The following HS3ST3B1 variants were observed in gnomAD, a reference collection of about 807,000 sequenced individuals.
HS3ST3B1 encodes heparan sulfate-glucosamine 3-sulfotransferase 3B1.
In HS3ST3B1, 13 loss-of-function variants were observed where a neutral mutation model predicts 21.3. The observed-to-expected ratio is 0.61, with a 90% CI of 0.40 to 0.97. HS3ST3B1 has a LOEUF of 0.97. Among genes scored for constraint, HS3ST3B1 ranks in the 50% least tolerant of loss-of-function variants. The pLI, the probability that HS3ST3B1 is intolerant of heterozygous loss-of-function variation, is 0.00. For missense variants in HS3ST3B1, 459 were observed against 554.8 expected (o/e 0.83, Z 1.73); for synonymous variants, 234 against 254.8 (o/e 0.92, Z 0.78).
chr17:14,325,817 A>G (rs190980103), intron 1 of HS3ST3B1, among the ~76,000 whole-genome samples: 1 of 152,256 alleles, frequency 6.6e-6, no homozygotes, highest in Non-Finnish European at 1.5e-5. Context: ...GATGCCGCCA[A>G]CCTCCTACAT....
chr17:14,317,926 T>C (rs548183507), intron 1 of HS3ST3B1, among the ~76,000 whole-genome samples: 1 of 152,188 alleles, frequency 6.6e-6, no homozygotes, highest in African/African-American at 2.4e-5. Flanking sequence ...AGAAAACACA[T>C]AGATGGTTTT....
In HS3ST3B1 at chr17:14,345,544, T is replaced by C; in HGVS notation, c.1071T>C (p.His357=). The change falls in exon 2 of 2, where the codon CAT becomes CAC. Residue 357 remains histidine (H), a synonymous_variant. Transcript: ENST00000360954. ...HCLGKTKGRT[H]PEIDREVVRR... is the part of the protein sequence containing the mutation. Reference sequence around the variant, plus strand: ...TGGGCAAGACCAAGGGCAGGACCCATCCTGAGATCGACCGCGAGGTGGTGC... The same window carrying C: ...TGGGCAAGACCAAGGGCAGGACCCACCCTGAGATCGACCGCGAGGTGGTGC... The C allele has an allele frequency of 6.2e-7, 1 of 1,600,704 alleles. No homozygotes were observed. Among genetic ancestry groups the C allele is most frequent in the Non-Finnish European group, 8.5e-7 (1 of 1,173,410 alleles).
In HS3ST3B1 at chr17:14,345,524, A is replaced by C. The variant is rs780335973; in HGVS notation, c.1051A>C (p.Lys351Gln). The C allele has an allele frequency of 2.0e-5, 32 of 1,602,712 alleles. 1 individual carries two copies. The highest frequency in any genetic ancestry group is 1.7e-5 in the Admixed American group (1 of 59,146). ...EGSSRPHCLG[K>Q]TKGRTHPEID... ...CAGCAGCCGGCCCCATTGCCTGGGC[A>C]AGACCAAGGGCAGGACCCATCCTGA... Residue 351 changes from lysine (K) to glutamine (Q), a missense_variant, in exon 2 of 2, where the codon AAG becomes CAG. Physicochemically the swap from Lys to Gln is moderately conservative, Grantham distance 53 (BLOSUM62 1). This residue lies in a region of HS3ST3B1 where 127 missense variants were observed against 209.9 expected (regional missense o/e 0.60). Coordinates refer to ENST00000360954, the MANE Select transcript of HS3ST3B1 (RefSeq NM_006041.3).
intron 1 of HS3ST3B1, among the ~76,000 whole-genome samples, chr17:14,307,686 C>G (rs939803847): frequency 6.6e-6 from 1 of 152,094 alleles, no homozygotes; most frequent in Non-Finnish European, 1.5e-5. Context: ...GGCTGCTTGC[C>G]GACTGGTTTC....
Position 14,347,657 on chromosome 17 carries a change from G to A in HS3ST3B1, c.*2011G>A, listed in dbSNP as rs1417859845. The A allele has an allele frequency of 6.6e-6, 1 of 152,170 alleles. No individual in the cohort carries two copies. Among genetic ancestry groups the A allele is most frequent in the African/African-American group, 2.4e-5 (1 of 41,424 alleles). The allele number at this position is 152,170 out of a possible 1,614,324, so 9.4% of individuals were successfully genotyped here. On this transcript the variant is annotated 3_prime_UTR_variant, in exon 2 of 2. Transcript: ENST00000360954. ...GTCACTGGTCTTTAAGTGATGTCTTGAAAATCCAGTATGTATTTGCCCAAA... is the reference window on the plus strand; with the variant it reads ...GTCACTGGTCTTTAAGTGATGTCTTAAAAATCCAGTATGTATTTGCCCAAA...
chr17:14,341,661 AG>A (rs1368957022), intron 1 of HS3ST3B1, among the ~76,000 whole-genome samples: 3 of 152,158 alleles, frequency 2.0e-5, no homozygotes, highest in African/African-American at 7.2e-5. Flanking sequence ...TTCCAAGCCC[AG>A]GCTAAGTCAG....
In HS3ST3B1 at chr17:14,302,019, C is replaced by A. The variant is rs1258071898; in HGVS notation, c.501C>A (p.Gly167=). The change falls in exon 1 of 2, where the codon GGC becomes GGA. Residue 167 remains glycine, a synonymous_variant. Transcript: ENST00000360954. ...TGCACCCCGACGTGCGCGCCGTGGG[C>A]GCCGAGCCCCATTTCTTCGATCGCA... ...LRVHPDVRAV[G]AEPHFFDRSY... 6 of 1,608,416 alleles carry A rather than the reference C, an allele frequency of 3.7e-6. No homozygotes were observed. Among genetic ancestry groups the A allele is most frequent in the East Asian group, 2.2e-5 (1 of 44,802 alleles).
Position 14,302,038 on chromosome 17 carries a change from G to T in HS3ST3B1, c.520G>T (p.Asp174Tyr), listed in dbSNP as rs774335631. 1.2e-6 allele frequency: 2 copies of T among 1,607,120 alleles called. No individual in the cohort carries two copies. Among genetic ancestry groups the T allele is most frequent in the Non-Finnish European group, 1.7e-6 (2 of 1,179,270 alleles). The change falls in exon 1 of 2, where the codon GAT (aspartate) becomes TAT (tyrosine). Residue 174 changes from aspartate (D) to tyrosine (Y), a missense_variant. This residue lies in a region of HS3ST3B1 where 317 missense variants were observed against 278.6 expected (regional missense o/e 1.14). Transcript: ENST00000360954. ...RAVGAEPHFF[D>Y]RSYDKGLAWY... Reference sequence around the variant, plus strand: ...CGTGGGCGCCGAGCCCCATTTCTTCGATCGCAGCTACGACAAGGGCCTCGC... The same window carrying T: ...CGTGGGCGCCGAGCCCCATTTCTTCTATCGCAGCTACGACAAGGGCCTCGC...
intron 1 of HS3ST3B1, among the ~76,000 whole-genome samples, chr17:14,313,075 T>C (rs892249328): frequency 8.3e-6 from 1 of 120,652 alleles, no homozygotes; most frequent in Non-Finnish European, 1.8e-5. Context: ...CCCAGCTAAT[T>C]ATTGTGTGTG....
intron 1 of HS3ST3B1, chr17:14,327,943 G>C (rs1909866378): frequency 6.6e-6 from 1 of 152,056 alleles, no homozygotes; most frequent in East Asian, 1.9e-4. Context: ...ATAGTCACAG[G>C]GTCAGTTTTT....
At chr17:14,316,417 A>C (rs1047983897) in intron 1 of HS3ST3B1, among the ~76,000 whole-genome samples, 2 of 152,176 alleles carry the variant, frequency 1.3e-5, no homozygotes, top group African/African-American at 4.8e-5. Context: ...TTCTGTAAGC[A>C]GGCTAATTGC....
intron 1 of HS3ST3B1, among the ~76,000 whole-genome samples, chr17:14,333,168 G>A (rs1910074389): frequency 1.3e-5 from 2 of 152,016 alleles, no homozygotes; most frequent in African/African-American, 4.8e-5. Flanking sequence ...AGTCAAAGCG[G>A]TATAAAAACA....
In HS3ST3B1 at chr17:14,303,655, G is replaced by A. The variant is rs1028157452; in HGVS notation, c.554+1583G>A. 6.6e-6 allele frequency among the ~76,000 whole-genome samples: 1 copy of A among 152,148 alleles called. No individual in the cohort carries two copies. Among genetic ancestry groups the A allele is most frequent in the South Asian group, 2.1e-4 (1 of 4,830 alleles). ...CTGGGCAGGGATGGGAAGAGTGAAT[G>A]CGCTGGTACGGTAAGGTGCCTCGCA... On this transcript the variant is annotated intron_variant, in intron 1 of 1. Transcript: ENST00000360954. This position sits in a 1 kb window ranked among gnomAD's most constrained non-coding sequence, Gnocchi z 5.7.
rs993505768 is a variant in HS3ST3B1, at chr17:14,348,326, C to T, written c.*2680C>T. The T allele has an allele frequency of 1.3e-5, 2 of 152,198 alleles. No individual in the cohort carries two copies. The highest frequency in any genetic ancestry group is 4.8e-5 in the African/African-American group (2 of 41,450). 9.4% of individuals were successfully genotyped at this position (152,198 alleles called of 1,614,324 possible). The stretch of plus-strand genomic sequence containing the variant: ...GTCAAAATTCTATTCTGGGTCAAAT[C>T]CTTGAATTCAAACAGATGTCCATAA... On this transcript the variant is annotated 3_prime_UTR_variant, in exon 2 of 2. Coordinates refer to ENST00000360954, the MANE Select transcript of HS3ST3B1 (RefSeq NM_006041.3).
chr17:14,308,843 T>A (rs1909211430), intron 1 of HS3ST3B1, among the ~76,000 whole-genome samples: 1 of 152,202 alleles, frequency 6.6e-6, no homozygotes, highest in Non-Finnish European at 1.5e-5. Flanking sequence ...AGAATCCCTG[T>A]TTTCTCCCAA....
At chr17:14,320,761 A>G (rs1909637256) in intron 1 of HS3ST3B1, among the ~76,000 whole-genome samples, 1 of 152,164 alleles carries the variant, frequency 6.6e-6, no homozygotes, top group African/African-American at 2.4e-5. Flanking sequence ...ATTAAGTTGA[A>G]GCCATGTAAT....
At chr17:14,302,106 G>A (rs1399130209) in intron 1 of HS3ST3B1, 34 bp downstream of exon 1, 1 of 1,561,004 alleles carries the variant, frequency 6.4e-7, no homozygotes, top group South Asian at 1.2e-5. Context: ...GGTCTCCATC[G>A]TCGATTCAGA....
At chr17:14,318,846 AC>A (rs1284862540) in intron 1 of HS3ST3B1, among the ~76,000 whole-genome samples, 4 of 152,202 alleles carry the variant, frequency 2.6e-5, no homozygotes, top group African/African-American at 9.6e-5. Flanking sequence ...CAAGCCCATG[AC>A]TATTTTGTGT....
At chr17:14,339,296 C>T (rs531183928) in intron 1 of HS3ST3B1, among the ~76,000 whole-genome samples, 2 of 152,114 alleles carry the variant, frequency 1.3e-5, no homozygotes, top group African/African-American at 2.4e-5. Flanking sequence ...CTTATTGTTT[C>T]GAAATTGGAC....
Sources: allele counts gnomAD v4.1 joint callset (sites outside exome capture counted in the v4.1 genomes callset), GRCh38; gene constraint gnomAD v4.1.1; regional missense constraint gnomAD v4.1.1; non-coding constraint Gnocchi (gnomAD v3.1); transcripts MANE v1.5; gene names NCBI Gene and HGNC (gene_info 2026-07-23, HGNC 2026-07-21).